Variants in AMBRA1 observed in about 807,000 individuals in gnomAD.
AMBRA1 encodes activating molecule in BECN1-regulated autophagy protein 1.
A neutral mutation model predicts 125.4 loss-of-function variants in AMBRA1; 47 were observed. The observed-to-expected ratio is 0.37, with a 90% CI of 0.30 to 0.48. The LOEUF is 0.48. AMBRA1 is among the 20% of genes least tolerant of loss of function. The probability of loss-of-function intolerance (pLI) is 0.99; values close to 1 mark genes in which losing one functional copy is unlikely to be tolerated. For synonymous variants in AMBRA1, 626 were observed against 655.5 expected (o/e 0.95, Z 0.69); for missense variants, 1,331 against 1,693.4 (o/e 0.79, Z 3.76).
At chr11:46,435,145 T>C in intron 12 of AMBRA1, 108 bp from the exon 13 acceptor site, 1 of 984,596 alleles carries the variant, frequency 1.0e-6, no homozygotes, top group Non-Finnish European at 1.5e-6. Flanking sequence ...GAACCTTGTC[T>C]AGAAATGCTA....
intron 11 of AMBRA1, among the ~76,000 whole-genome samples, chr11:46,451,577 C>A (rs1948597573): frequency 6.6e-6 from 1 of 152,054 alleles, no homozygotes; most frequent in Admixed American, 6.5e-5. Flanking sequence ...ATTAGCAAAT[C>A]TATCAGAAAA....
At chr11:46,413,779 C>T (rs1352034942) in intron 15 of AMBRA1, among the ~76,000 whole-genome samples, 1 of 152,246 alleles carries the variant, frequency 6.6e-6, no homozygotes, top group East Asian at 1.9e-4. Flanking sequence ...GCATGAGCCA[C>T]CATGCCCGGC....
chr11:46,450,397 G>A (rs1948524655), intron 11 of AMBRA1, among the ~76,000 whole-genome samples: 1 of 151,968 alleles, frequency 6.6e-6, no homozygotes, highest in African/African-American at 2.4e-5. Context: ...GGTAGGGGTT[G>A]GTTTGCAGGG....
chr11:46,461,355 A>G (rs1233254942), intron 11 of AMBRA1, among the ~76,000 whole-genome samples: 1 of 152,250 alleles, frequency 6.6e-6, no homozygotes, highest in East Asian at 1.9e-4. Context: ...TGGAAGCACA[A>G]ATGCATGTCA....
chr11:46,444,315 C>T (rs747384091), intron 11 of AMBRA1, among the ~76,000 whole-genome samples: 1 of 152,148 alleles, frequency 6.6e-6, no homozygotes, highest in African/African-American at 2.4e-5. Context: ...TGTAACATCT[C>T]CAGGTTTAAC....
At chr11:46,459,847 A>G (rs907391810) in intron 11 of AMBRA1, among the ~76,000 whole-genome samples, 1 of 152,166 alleles carries the variant, frequency 6.6e-6, no homozygotes, top group African/African-American at 2.4e-5. Flanking sequence ...TGACATATAC[A>G]TTTACTTATT....
At chr11:46,571,920 C>T (rs1272671674) in intron 1 of AMBRA1, among the ~76,000 whole-genome samples, 1 of 151,978 alleles carries the variant, frequency 6.6e-6, no homozygotes, top group Admixed American at 6.6e-5. Flanking sequence ...GAACTCCTGA[C>T]CTCGTGATCC....
intron 1 of AMBRA1, among the ~76,000 whole-genome samples, chr11:46,569,440 A>AATAT (rs1243484151): frequency 6.6e-4 from 87 of 131,360 alleles, no homozygotes; most frequent in East Asian, 1.3e-3. Flanking sequence ...AAAAAAAAAA[A>AATAT]ATATATATAT....
chr11:46,478,648 C>CT (rs11449187), intron 11 of AMBRA1, among the ~76,000 whole-genome samples: 63,433 of 83,968 alleles, frequency 0.76, 23,733 homozygotes, highest in South Asian at 0.86. Context: ...TCTTTTTTCT[C>CT]TTTTTTTTTT....
chr11:46,527,477 C>CAAAAAAAAAAAAAA (rs59904013), intron 7 of AMBRA1, among the ~76,000 whole-genome samples: 339 of 25,940 alleles, frequency 0.013, 52 homozygotes, highest in Middle Eastern at 0.031. Context: ...GAGACTGTCT[C>CAAAAAAAAAAAAAA]AAAAAAAAAA....
At chr11:46,525,534 T>C (rs969491916) in intron 7 of AMBRA1, among the ~76,000 whole-genome samples, 2 of 152,118 alleles carry the variant, frequency 1.3e-5, no homozygotes, top group African/African-American at 2.4e-5. Context: ...CAAGATCACT[T>C]GAGGTCAGGA....
intron 11 of AMBRA1, among the ~76,000 whole-genome samples, chr11:46,484,474 A>T (rs1479306471): frequency 1.3e-5 from 2 of 152,214 alleles, no homozygotes; most frequent in African/African-American, 4.8e-5. Context: ...CTTTGAGATC[A>T]TTTTAGGTCT....
intron 15 of AMBRA1, among the ~76,000 whole-genome samples, chr11:46,417,603 T>C (rs779624346): frequency 6.6e-6 from 1 of 152,192 alleles, no homozygotes; most frequent in Admixed American, 6.5e-5. Flanking sequence ...TTGATATCTA[T>C]GCTTTTGACT....
chr11:46,476,478 T>G (rs1044178724), intron 11 of AMBRA1, among the ~76,000 whole-genome samples: 5 of 152,048 alleles, frequency 3.3e-5, no homozygotes, highest in Admixed American at 3.3e-4. Context: ...TTCTATCCCA[T>G]AGGACCTTCA....
At chr11:46,589,778 C>A (rs1239179912) in intron 1 of AMBRA1, among the ~76,000 whole-genome samples, 1 of 151,866 alleles carries the variant, frequency 6.6e-6, no homozygotes, top group Admixed American at 6.6e-5. Context: ...CACCACCATT[C>A]CCCGCTAATT....
intron 12 of AMBRA1, among the ~76,000 whole-genome samples, chr11:46,437,550 C>T (rs993662215): frequency 3.9e-5 from 6 of 152,196 alleles, no homozygotes; most frequent in African/African-American, 1.4e-4. Flanking sequence ...GCACTGGGTT[C>T]TGTTTACAAT....
Position 46,548,352 on chromosome 11 carries a change from A to G in AMBRA1, c.29T>C (p.Val10Ala). 1 of 1,614,066 alleles carries G rather than the reference A, an allele frequency of 6.2e-7. No individual in the cohort carries two copies. Among genetic ancestry groups the G allele is most frequent in the Non-Finnish European group, 8.5e-7 (1 of 1,180,028 alleles). MKVVPEKNA[V>A]RILWGRERGA... is the part of the protein sequence containing the mutation. ...CCGTTCTCGCCCCCAGAGTATCCGG[A>G]CAGCATTCTTTTCTGGGACAACCTT... Residue 10 changes from valine (V) to alanine (A), a missense_variant, in exon 2 of 18, where the codon GTC (valine) becomes GCC (alanine). Physicochemically the swap from Val to Ala is moderately conservative, Grantham distance 64. Around this residue, in one of 4 missense-constraint regions of AMBRA1, gnomAD observed 144 missense variants for 250.4 expected, o/e 0.58. Transcript: ENST00000683756.
intron 11 of AMBRA1, among the ~76,000 whole-genome samples, chr11:46,445,070 AC>A (rs373563903): frequency 7.3e-5 from 11 of 150,270 alleles, no homozygotes; most frequent in South Asian, 2.1e-4. Flanking sequence ...AAAAAGAAAA[AC>A]AAAAAAAAAA....
At chr11:46,460,818 G>A (rs1471347536) in intron 11 of AMBRA1, among the ~76,000 whole-genome samples, 3 of 152,174 alleles carry the variant, frequency 2.0e-5, no homozygotes, top group Admixed American at 6.5e-5. Context: ...CAGGCACGGT[G>A]GCTCACATCT....
Sources: allele counts gnomAD v4.1 joint callset (sites outside exome capture counted in the v4.1 genomes callset), GRCh38; gene constraint gnomAD v4.1.1; regional missense constraint gnomAD v4.1.1; transcripts MANE v1.5; gene names NCBI Gene and HGNC (gene_info 2026-07-23, HGNC 2026-07-21).